Variants in CACNA1C observed in about 807,000 individuals in gnomAD.
CACNA1C encodes calcium voltage-gated channel subunit alpha1 C.
Under a neutral mutation model 229.0 loss-of-function variants are expected in CACNA1C, and 30 were observed. That is an observed-to-expected ratio of 0.13 (90% CI 0.10 to 0.18). The LOEUF is 0.18. Among genes scored for constraint, CACNA1C ranks in the 10% least tolerant of loss-of-function variants. The pLI is 1.00. For missense variants in CACNA1C, 1,658 were observed against 2,845.0 expected, an observed-to-expected ratio of 0.58 and a Z score of 9.49; for synonymous variants, 1,114 against 1,132.5, an observed-to-expected ratio of 0.98 and a Z score of 0.33.
intron 3 of CACNA1C, among the ~76,000 whole-genome samples, chr12:2,252,325 G>A (rs1023079551): frequency 7.9e-5 from 12 of 152,230 alleles, no homozygotes; most frequent in Admixed American, 1.3e-4. Flanking sequence ...AAAAGGGCTG[G>A]TTTAGACAGA....
intron 3 of CACNA1C, among the ~76,000 whole-genome samples, chr12:2,344,264 G>T (rs1418490666): frequency 6.6e-6 from 1 of 152,156 alleles, no homozygotes; most frequent in African/African-American, 2.4e-5. Flanking sequence ...TGGATAAGTT[G>T]AAAATTGCCA....
In CACNA1C at chr12:2,597,527, C is replaced by A. The variant is rs373764135; in HGVS notation, c.2853+238C>A. 6.4e-5 allele frequency: 88 copies of A among 1,365,038 alleles called. No individual in the cohort carries two copies. Among genetic ancestry groups the A allele is most frequent in the Non-Finnish European group, 8.6e-5 (82 of 953,006 alleles). 84.6% of individuals were successfully genotyped at this position (1,365,038 alleles called of 1,614,324 possible). ...GCAACCTGGGCAATGCATCCTCTGT[C>A]GCTTTCTTTGTCTATCTCTGCTCTG... On this transcript the variant is annotated intron_variant, in intron 21 of 46. Transcript: ENST00000399655. This position sits in a 1 kb window ranked among gnomAD's most constrained non-coding sequence, Gnocchi z 4.3.
At chr12:2,137,578 T>G (rs2093671966) in intron 3 of CACNA1C, among the ~76,000 whole-genome samples, 1 of 151,190 alleles carries the variant, frequency 6.6e-6, no homozygotes. Context: ...TGTTTATTTT[T>G]TAAAATGCTC....
intron 29 of CACNA1C, among the ~76,000 whole-genome samples, chr12:2,620,922 C>T (rs1407512938): frequency 2.0e-5 from 3 of 152,168 alleles, no homozygotes; most frequent in Non-Finnish European, 2.9e-5. Context: ...AAAAGAAAGT[C>T]GGAATATTAG....
chr12:2,537,972 G>T (rs2239116), intron 9 of CACNA1C, among the ~76,000 whole-genome samples: 66,263 of 150,794 alleles, frequency 0.44, 17,782 homozygotes, highest in African/African-American at 0.77. Flanking sequence ...GCCCCCTCCC[G>T]GCCCCATCCA....
chr12:2,653,805 C>T lies in CACNA1C; in HGVS notation c.4075-30C>T, dbSNP rs998199905. ...GCCCAGCTGGCCTCTGCACTCCAGC[C>T]TCATGGGAGTCTCCTGCACTTCCTT... is the stretch of plus-strand genomic sequence containing the variant. On this transcript the variant is annotated intron_variant, in intron 32 of 46. Coordinates refer to ENST00000399655, the MANE Select transcript of CACNA1C (RefSeq NM_000719.7). The surrounding 1 kb of genome is among the most constrained non-coding windows in gnomAD (Gnocchi z 4.7). 7 of 1,606,992 alleles carry T rather than the reference C, an allele frequency of 4.4e-6. No individual in the cohort carries two copies. The highest frequency in any genetic ancestry group is 5.1e-6 in the Non-Finnish European group (6 of 1,174,114).
At chr12:2,122,381 T>C (rs902146587) in intron 3 of CACNA1C, among the ~76,000 whole-genome samples, 5 of 152,172 alleles carry the variant, frequency 3.3e-5, no homozygotes, top group Non-Finnish European at 4.4e-5. Context: ...AATGTCGCAC[T>C]TCCCCTGGGG....
At chr12:2,258,132 C>G (rs892138021) in intron 3 of CACNA1C, among the ~76,000 whole-genome samples, 6 of 152,238 alleles carry the variant, frequency 3.9e-5, no homozygotes, top group Admixed American at 1.3e-4. Flanking sequence ...AAGCTCATAT[C>G]CCACCTCTTC....
intron 3 of CACNA1C, among the ~76,000 whole-genome samples, chr12:2,426,669 G>A (rs2154557458): frequency 6.6e-6 from 1 of 152,378 alleles, no homozygotes; most frequent in Middle Eastern, 3.4e-3. Context: ...TGGCTCAGTT[G>A]AGCAGTTCTT....
chr12:2,073,215 G>T (rs917283859), intron 1 of CACNA1C, among the ~76,000 whole-genome samples: 2 of 152,208 alleles, frequency 1.3e-5, no homozygotes, highest in Non-Finnish European at 2.9e-5. Flanking sequence ...TGGTCCAACA[G>T]ATCAGCAGCT....
chr12:2,240,214 C>T (rs1380767759), intron 3 of CACNA1C, among the ~76,000 whole-genome samples: 1 of 152,180 alleles, frequency 6.6e-6, no homozygotes, highest in Non-Finnish European at 1.5e-5. Flanking sequence ...AGAGAAACCT[C>T]GATTGTTTCC....
At chr12:2,294,450 G>A (rs1037594980) in intron 3 of CACNA1C, among the ~76,000 whole-genome samples, 2 of 151,988 alleles carry the variant, frequency 1.3e-5, no homozygotes, top group African/African-American at 2.4e-5. Context: ...TGAGCAGGCA[G>A]TCAGAAAGGC....
At chr12:2,155,481 C>G (rs781208678) in intron 3 of CACNA1C, among the ~76,000 whole-genome samples, 3 of 152,010 alleles carry the variant, frequency 2.0e-5, no homozygotes, top group Non-Finnish European at 4.4e-5. Context: ...TTTTTATTGT[C>G]ATTTTCTCAC....
At chr12:2,640,825 G>A (rs542327398) in intron 30 of CACNA1C, among the ~76,000 whole-genome samples, 2 of 152,314 alleles carry the variant, frequency 1.3e-5, no homozygotes, top group African/African-American at 2.4e-5. Flanking sequence ...TCTGGCTCTG[G>A]GTCCTGGAAG....
At chr12:2,231,196 C>T (rs1599930781) in intron 3 of CACNA1C, among the ~76,000 whole-genome samples, 2 of 152,176 alleles carry the variant, frequency 1.3e-5, no homozygotes, top group African/African-American at 4.8e-5. Context: ...CTTCCTAAGG[C>T]TGGAGACTCA....
intron 9 of CACNA1C, chr12:2,547,351 C>T (rs776125351): frequency 2.4e-5 from 17 of 699,128 alleles, no homozygotes; most frequent in Admixed American, 6.6e-5. Context: ...TATGTGAAAG[C>T]TGAGTTCCTT....
At chr12:2,337,193 A>G (rs2096723407) in intron 3 of CACNA1C, among the ~76,000 whole-genome samples, 1 of 152,138 alleles carries the variant, frequency 6.6e-6, no homozygotes, top group African/African-American at 2.4e-5. Context: ...TGGGATTCCA[A>G]GTTTCTGAGG....
intron 10 of CACNA1C, 93 bp from the exon 11 acceptor site, chr12:2,556,858 C>A: frequency 9.7e-7 from 1 of 1,032,088 alleles, no homozygotes; most frequent in Non-Finnish European, 1.5e-6. Flanking sequence ...ACGAAATTAC[C>A]TGGGGAACAT....
intron 9 of CACNA1C, among the ~76,000 whole-genome samples, chr12:2,522,727 G>C (rs1314088200): frequency 6.6e-6 from 1 of 152,104 alleles, no homozygotes; most frequent in Non-Finnish European, 1.5e-5. Context: ...TCCTGGGCTG[G>C]GGGGCAGAGG....
Sources: gnomAD v4.1 joint callset for allele counts (sites outside exome capture counted in the v4.1 genomes callset) on GRCh38, gnomAD v4.1.1 for gene constraint, Gnocchi (gnomAD v3.1) non-coding constraint, MANE v1.5 for transcripts, NCBI Gene and HGNC (gene_info 2026-07-23, HGNC 2026-07-21) for gene names.